FAF1: variants seen among roughly 807,000 people sequenced by gnomAD.
FAF1 encodes FAS-associated factor 1.
FAF1 carries 25 observed loss-of-function variants against 92.5 expected under a neutral mutation model. The ratio of observed to expected loss-of-function variants is 0.27; its 90% CI spans 0.20 to 0.38. The LOEUF (loss-of-function observed/expected upper bound fraction) is 0.38, where lower values mean the gene tolerates loss of function less well. FAF1 is among the 10% of genes least tolerant of loss of function. The pLI is 1.00. For synonymous variants in FAF1, 234 were observed against 273.2 expected (o/e 0.86, Z 1.42); for missense variants, 636 against 793.3 (o/e 0.80, Z 2.38).
chr1:50,745,824 TA>T (rs949482446), intron 4 of FAF1, among the ~76,000 whole-genome samples: 4 of 152,072 alleles, frequency 2.6e-5, no homozygotes, highest in Admixed American at 2.6e-4. Context: ...GGCATTGCTA[TA>T]AAGACACCTG....
At chr1:50,576,553 G>A (rs970014229) in intron 12 of FAF1, among the ~76,000 whole-genome samples, 1 of 152,032 alleles carries the variant, frequency 6.6e-6, no homozygotes, top group Admixed American at 6.5e-5. Flanking sequence ...ACTTTTGGTG[G>A]TGTAGAAGAA....
chr1:50,858,083 G>A, intron 1 of FAF1, 86 bp from the exon 2 acceptor site: 1 of 899,404 alleles, frequency 1.1e-6, no homozygotes, highest in Non-Finnish European at 1.7e-6. Context: ...AGCATAATAT[G>A]TAATTTAAAT....
chr1:50,954,735 G>A (rs1337412719), intron 1 of FAF1, among the ~76,000 whole-genome samples: 1 of 151,874 alleles, frequency 6.6e-6, no homozygotes, highest in African/African-American at 2.4e-5. Context: ...TAGAGGCAGG[G>A]TTCCACCATC....
At chr1:50,549,334 G>T (rs1312800191) in intron 13 of FAF1, among the ~76,000 whole-genome samples, 2 of 152,096 alleles carry the variant, frequency 1.3e-5, no homozygotes, top group African/African-American at 4.8e-5. Flanking sequence ...AAAGGGGTGG[G>T]GTCTCACTCT....
intron 15 of FAF1, among the ~76,000 whole-genome samples, chr1:50,497,540 CTTTTTTTTT>C (rs61258960): frequency 0.011 from 1,105 of 100,548 alleles, 9 homozygotes; most frequent in African/African-American, 0.037. Flanking sequence ...ATTCAAAACT[CTTTTTTTTT>C]TTTTTTTTTT....
intron 1 of FAF1, among the ~76,000 whole-genome samples, chr1:50,863,954 T>C (rs1372110974): frequency 1.3e-5 from 2 of 152,022 alleles, no homozygotes; most frequent in Non-Finnish European, 2.9e-5. Context: ...GTCGAGGAAT[T>C]TATCCATTTC....
intron 15 of FAF1, among the ~76,000 whole-genome samples, chr1:50,505,041 C>T (rs766893707): frequency 2.0e-5 from 3 of 151,654 alleles, no homozygotes; most frequent in Non-Finnish European, 4.4e-5. Context: ...GGGGATCTTA[C>T]TGATCTTATA....
intron 4 of FAF1, among the ~76,000 whole-genome samples, chr1:50,771,212 A>G (rs963171557): frequency 6.6e-6 from 1 of 152,248 alleles, no homozygotes; most frequent in African/African-American, 2.4e-5. Flanking sequence ...CATAACAAAG[A>G]CATCAAAAGC....
intron 1 of FAF1, among the ~76,000 whole-genome samples, chr1:50,903,776 C>G (rs1644814450): frequency 6.6e-6 from 1 of 152,156 alleles, no homozygotes; most frequent in Non-Finnish European, 1.5e-5. Flanking sequence ...ATCCCTGGCT[C>G]CCTTAACAAG....
At chr1:50,456,952 G>A (rs1646359957) in intron 18 of FAF1, among the ~76,000 whole-genome samples, 1 of 152,080 alleles carries the variant, frequency 6.6e-6, no homozygotes, top group Non-Finnish European at 1.5e-5. Context: ...CCTTCACTTT[G>A]TGACTATGTA....
At chr1:50,906,092 C>A (rs1178389474) in intron 1 of FAF1, among the ~76,000 whole-genome samples, 1 of 152,194 alleles carries the variant, frequency 6.6e-6, no homozygotes, top group Non-Finnish European at 1.5e-5. Context: ...CAGCTTTCTA[C>A]ATATGGCTAG....
intron 4 of FAF1, among the ~76,000 whole-genome samples, chr1:50,744,982 T>TA (rs1329528301): frequency 6.6e-6 from 1 of 152,130 alleles, no homozygotes; most frequent in African/African-American, 2.4e-5. Flanking sequence ...TAGCATACAT[T>TA]AATGAAACTA....
At chr1:50,908,425 CTTG>C (rs1184195129) in intron 1 of FAF1, among the ~76,000 whole-genome samples, 1 of 152,136 alleles carries the variant, frequency 6.6e-6, no homozygotes, top group Non-Finnish European at 1.5e-5. Flanking sequence ...CCTGGATATT[CTTG>C]TTAACTTTCT....
intron 8 of FAF1, among the ~76,000 whole-genome samples, chr1:50,644,591 G>A (rs577316294): frequency 3.3e-5 from 5 of 152,292 alleles, no homozygotes; most frequent in Middle Eastern, 3.4e-3. Flanking sequence ...TCAACTCAGC[G>A]AAATTACCAA....
chr1:50,529,714 T>C (rs574643874), intron 15 of FAF1, among the ~76,000 whole-genome samples: 2 of 152,306 alleles, frequency 1.3e-5, no homozygotes, highest in East Asian at 1.9e-4. Flanking sequence ...CCCTGGCTAG[T>C]TGCTCCCTGG....
chr1:50,554,197 A>C (rs1649443578), intron 13 of FAF1, among the ~76,000 whole-genome samples: 1 of 151,014 alleles, frequency 6.6e-6, no homozygotes, highest in Non-Finnish European at 1.5e-5. Flanking sequence ...ATCATGGGAA[A>C]AAAAGCATTA....
intron 12 of FAF1, among the ~76,000 whole-genome samples, chr1:50,574,922 T>TTTTTTTTTTTTTTTTTTC: frequency 7.1e-6 from 1 of 141,490 alleles, no homozygotes; most frequent in African/African-American, 2.7e-5. Flanking sequence ...TTTTTTTTTT[T>TTTTTTTTTTTTTTTTTTC]TTTTGAGACA....
intron 8 of FAF1, among the ~76,000 whole-genome samples, chr1:50,642,726 C>A (rs927082238): frequency 1.7e-4 from 22 of 129,828 alleles, no homozygotes; most frequent in African/African-American, 7.6e-4. Flanking sequence ...TTTTAATAAT[C>A]TTTTCCTTTT....
intron 4 of FAF1, among the ~76,000 whole-genome samples, chr1:50,787,220 C>A (rs1213538281): frequency 2.0e-5 from 3 of 152,068 alleles, no homozygotes; most frequent in Non-Finnish European, 4.4e-5. Flanking sequence ...TTTCAACTGG[C>A]AGAGAGAAAA....
Sources: gnomAD v4.1 joint callset for allele counts (sites outside exome capture counted in the v4.1 genomes callset) on GRCh38, gnomAD v4.1.1 for gene constraint, MANE v1.5 for transcripts, NCBI Gene and HGNC (gene_info 2026-07-23, HGNC 2026-07-21) for gene names.